The following PEAK1 variants were observed in gnomAD, a reference collection of about 807,000 sequenced individuals.
The protein encoded by PEAK1 is pseudopodium enriched atypical kinase 1.
A neutral mutation model predicts 124.7 loss-of-function variants in PEAK1; 54 were observed. The ratio of observed to expected loss-of-function variants is 0.43; its 90% CI spans 0.35 to 0.54. The LOEUF (loss-of-function observed/expected upper bound fraction) is 0.54. PEAK1 is among the 20% of genes least tolerant of loss of function. PEAK1 has a pLI of 0.01. For missense variants in PEAK1, 2,046 were observed against 2,134.5 expected (o/e 0.96, Z 0.82); for synonymous variants, 719 against 760.0 (o/e 0.95, Z 0.89).
At chr15:77,333,540 C>T (rs1432715931) in intron 2 of PEAK1, 19 of 853,750 alleles carry the variant, frequency 2.2e-5, no homozygotes, top group Non-Finnish European at 2.7e-5. Flanking sequence ...TATATATTTA[C>T]ACACACACAT....
chr15:77,285,926 A>G (rs1176217739), intron 3 of PEAK1, among the ~76,000 whole-genome samples: 1 of 151,788 alleles, frequency 6.6e-6, no homozygotes, highest in Non-Finnish European at 1.5e-5. Flanking sequence ...TTGCTTCTCT[A>G]GTTCTTTTAA....
At chr15:77,153,630 A>G (rs1441634202) in intron 8 of PEAK1, among the ~76,000 whole-genome samples, 1 of 152,156 alleles carries the variant, frequency 6.6e-6, no homozygotes. Flanking sequence ...TTAGTGCTAT[A>G]AATTTCCCTC....
intron 1 of PEAK1, among the ~76,000 whole-genome samples, chr15:77,370,164 T>C (rs1164531044): frequency 6.6e-6 from 1 of 152,174 alleles, no homozygotes; most frequent in Admixed American, 6.5e-5. Flanking sequence ...TGAAAAAGCA[T>C]CTGTTTTGTC....
At chr15:77,343,853 T>C (rs943440895) in intron 2 of PEAK1, among the ~76,000 whole-genome samples, 2 of 152,204 alleles carry the variant, frequency 1.3e-5, no homozygotes, top group African/African-American at 2.4e-5. Flanking sequence ...AAATTCAATG[T>C]CATGAGGATT....
intron 2 of PEAK1, chr15:77,334,613 G>A (rs17384857): frequency 0.1 from 99,085 of 985,082 alleles, 5,373 homozygotes; most frequent in Non-Finnish European, 0.11. Flanking sequence ...CTACAATTAC[G>A]AAAAGTCCAG....
intron 1 of PEAK1, among the ~76,000 whole-genome samples, chr15:77,416,168 C>A (rs1357802370): frequency 1.3e-5 from 2 of 152,158 alleles, no homozygotes; most frequent in Non-Finnish European, 2.9e-5. Flanking sequence ...CCACTCCTAG[C>A]CCTTGAAATA....
chr15:77,231,191 C>T (rs913976471), intron 6 of PEAK1, among the ~76,000 whole-genome samples: 11 of 151,290 alleles, frequency 7.3e-5, no homozygotes, highest in African/African-American at 1.7e-4. Flanking sequence ...AAAACAGCTA[C>T]AGTTAATTGA....
intron 9 of PEAK1, among the ~76,000 whole-genome samples, chr15:77,121,078 A>AT (rs1270056671): frequency 6.6e-6 from 1 of 151,800 alleles, no homozygotes; most frequent in South Asian, 2.1e-4. Context: ...GTTTTTTATA[A>AT]TTTTTTTCAA....
chr15:77,337,439 T>C (rs1222574734), intron 2 of PEAK1: 1 of 968,824 alleles, frequency 1.0e-6, no homozygotes, highest in African/African-American at 1.8e-5. Context: ...TTTGATGATT[T>C]CTCTGAAATT....
chr15:77,199,325 T>C (rs911239655), intron 6 of PEAK1, among the ~76,000 whole-genome samples: 2 of 152,190 alleles, frequency 1.3e-5, no homozygotes, highest in African/African-American at 4.8e-5. Context: ...TTCAACACTG[T>C]AGATATCGAA....
chr15:77,174,297 A>G (rs2152809505), intron 7 of PEAK1, among the ~76,000 whole-genome samples: 1 of 152,176 alleles, frequency 6.6e-6, no homozygotes, highest in South Asian at 2.1e-4. Flanking sequence ...TTCATTCTTC[A>G]TTCCTTATAT....
chr15:77,145,341 C>T (rs569373112), intron 8 of PEAK1, among the ~76,000 whole-genome samples: 7 of 151,816 alleles, frequency 4.6e-5, no homozygotes, highest in South Asian at 2.1e-4. Context: ...CCCAGATATT[C>T]GGGAGGTTGA....
intron 2 of PEAK1, among the ~76,000 whole-genome samples, chr15:77,330,015 GAA>G (rs541159230): frequency 6.8e-6 from 1 of 148,002 alleles, no homozygotes; most frequent in Admixed American, 6.7e-5. Flanking sequence ...ATATTAAAAA[GAA>G]AAAAAAATTC....
At chr15:77,368,276 G>A (rs374092414) in intron 1 of PEAK1, among the ~76,000 whole-genome samples, 14 of 152,092 alleles carry the variant, frequency 9.2e-5, no homozygotes, top group African/African-American at 3.1e-4. Flanking sequence ...AGCAATTTAC[G>A]AGGCCAAGGC....
intron 2 of PEAK1, chr15:77,352,579 T>C (rs2067272223): frequency 1.1e-6 from 1 of 943,756 alleles, no homozygotes; most frequent in Non-Finnish European, 1.3e-6. Flanking sequence ...TTTTAATATA[T>C]ATAAAACTAC....
At chr15:77,165,398 T>C (rs1218352620) in intron 7 of PEAK1, among the ~76,000 whole-genome samples, 2 of 152,134 alleles carry the variant, frequency 1.3e-5, no homozygotes, top group Non-Finnish European at 2.9e-5. Context: ...GGTTTCGCCA[T>C]GTTGGCCAGG....
chr15:77,403,167 T>A, intron 1 of PEAK1: 3 of 985,400 alleles, frequency 3.0e-6, no homozygotes, highest in Non-Finnish European at 3.6e-6. Flanking sequence ...CTACTTTGCC[T>A]GTATCATCTT....
chr15:77,344,704 C>T (rs1325960278), intron 2 of PEAK1, among the ~76,000 whole-genome samples: 1 of 152,164 alleles, frequency 6.6e-6, no homozygotes, highest in African/African-American at 2.4e-5. Flanking sequence ...TGGGCTGTTT[C>T]CATTTACTTA....
chr15:77,259,173 A>C (rs573532147), intron 5 of PEAK1, among the ~76,000 whole-genome samples: 244 of 152,302 alleles, frequency 1.6e-3, no homozygotes, highest in Middle Eastern at 0.01. Flanking sequence ...CCAAATTTCT[A>C]ATACAAACTA....
Sources: gnomAD v4.1 joint callset for allele counts (sites outside exome capture counted in the v4.1 genomes callset) on GRCh38, gnomAD v4.1.1 for gene constraint, MANE v1.5 for transcripts, NCBI Gene and HGNC (gene_info 2026-07-23, HGNC 2026-07-21) for gene names.